Variants in HMHB1 observed in about 807,000 individuals in gnomAD.
The protein encoded by HMHB1 is minor histocompatibility protein HB-1.
Under a neutral mutation model 2.4 loss-of-function variants are expected in HMHB1, and 4 were observed. The ratio of observed to expected loss-of-function variants is 1.65; its 90% CI spans 0.81 to 3.77. HMHB1 has a LOEUF of 3.77. HMHB1 is among the 30% of genes most tolerant of loss of function. The pLI, the probability that HMHB1 is intolerant of heterozygous loss-of-function variation, is 0.01. For synonymous variants in HMHB1, 22 were observed against 17.6 expected (o/e 1.25, Z -0.63); for missense variants, 57 against 44.2 (o/e 1.29, Z -0.82).
intron 1 of HMHB1, among the ~76,000 whole-genome samples, chr5:143,815,424 T>G (rs532210617): frequency 2.6e-5 from 4 of 152,344 alleles, no homozygotes; most frequent in African/African-American, 7.2e-5. Flanking sequence ...GCTAACAATG[T>G]TGCAGCTCTC....
At chr5:143,813,756 C>T (rs1342074239) in intron 1 of HMHB1, among the ~76,000 whole-genome samples, 1 of 151,988 alleles carries the variant, frequency 6.6e-6, no homozygotes, top group Non-Finnish European at 1.5e-5. Flanking sequence ...CTTTTTTTAT[C>T]TCCAGATTGT....
At chr5:143,816,586 T>C (rs142388002) in intron 1 of HMHB1, among the ~76,000 whole-genome samples, 5,641 of 152,332 alleles carry the variant, frequency 0.037, 373 homozygotes, top group African/African-American at 0.13. Flanking sequence ...TACCACAGTT[T>C]CTTTATCCAC....
chr5:143,820,436 G>T (rs1028102704), intron 1 of HMHB1, 44 bp from the exon 2 acceptor site: 2 of 1,112,002 alleles, frequency 1.8e-6, no homozygotes, highest in South Asian at 2.5e-5. Context: ...ATACTGCTGA[G>T]AAGTTGTAAG....
intron 1 of HMHB1, among the ~76,000 whole-genome samples, chr5:143,813,545 C>T (rs530334387): frequency 2.0e-5 from 3 of 152,286 alleles, no homozygotes; most frequent in East Asian, 1.9e-4. Context: ...ATGGAAAGGG[C>T]ATTTGTTGGG....
intron 1 of HMHB1, among the ~76,000 whole-genome samples, chr5:143,816,396 T>A (rs1191351010): frequency 6.6e-6 from 1 of 152,154 alleles, no homozygotes; most frequent in African/African-American, 2.4e-5. Context: ...CACTGTGTCA[T>A]TATTATGCCT....
At chr5:143,813,225 A>C (rs1759712373) in intron 1 of HMHB1, among the ~76,000 whole-genome samples, 1 of 152,106 alleles carries the variant, frequency 6.6e-6, no homozygotes, top group Non-Finnish European at 1.5e-5. Context: ...TTTCTTTTAG[A>C]ATTTTTATGC....
At chr5:143,812,570 G>T (rs1019509975) in intron 1 of HMHB1, among the ~76,000 whole-genome samples, 2 of 152,168 alleles carry the variant, frequency 1.3e-5, no homozygotes, top group African/African-American at 4.8e-5. Flanking sequence ...TGGAGCAGCT[G>T]CCTGCACCAC....
At chr5:143,812,454 G>A (rs1393827108) in intron 1 of HMHB1, 150 bp downstream of exon 1, 2 of 733,892 alleles carry the variant, frequency 2.7e-6, no homozygotes, top group Non-Finnish European at 4.6e-6. Flanking sequence ...GAGTGAGACG[G>A]CCCTTGTTGC....
chr5:143,813,490 C>G (rs913278958), intron 1 of HMHB1, among the ~76,000 whole-genome samples: 1 of 152,106 alleles, frequency 6.6e-6, no homozygotes, highest in African/African-American at 2.4e-5. Context: ...GTGCTTGGCA[C>G]AGTAAAAGCT....
At chr5:143,815,586 G>T (rs1339478566) in intron 1 of HMHB1, among the ~76,000 whole-genome samples, 3 of 148,810 alleles carry the variant, frequency 2.0e-5, no homozygotes, top group Non-Finnish European at 4.4e-5. Flanking sequence ...GGAGTGCAGT[G>T]GCGCAATCTT....
At chr5:143,819,328 G>A (rs555744120) in intron 1 of HMHB1, among the ~76,000 whole-genome samples, 1 of 152,276 alleles carries the variant, frequency 6.6e-6, no homozygotes, top group Non-Finnish European at 1.5e-5. Context: ...TTGTAAGATG[G>A]GCAGAGAACC....
At chr5:143,819,276 T>A (rs1211735572) in intron 1 of HMHB1, among the ~76,000 whole-genome samples, 3 of 152,164 alleles carry the variant, frequency 2.0e-5, no homozygotes, top group African/African-American at 7.2e-5. Context: ...TAATATACAT[T>A]AGTTGCCAAC....
intron 1 of HMHB1, among the ~76,000 whole-genome samples, chr5:143,819,818 C>A (rs575654257): frequency 5.3e-5 from 8 of 152,182 alleles, no homozygotes; most frequent in Admixed American, 3.9e-4. Context: ...TTAGTCATGG[C>A]AAGGGTGACA....
intron 1 of HMHB1, among the ~76,000 whole-genome samples, chr5:143,815,529 T>C (rs1561937024): frequency 6.8e-6 from 1 of 147,716 alleles, no homozygotes; most frequent in Non-Finnish European, 1.5e-5. Flanking sequence ...ATTTTTTTCT[T>C]TTTTTTTTTT....
At chr5:143,814,873 A>T (rs1014961269) in intron 1 of HMHB1, among the ~76,000 whole-genome samples, 1 of 152,198 alleles carries the variant, frequency 6.6e-6, no homozygotes, top group African/African-American at 2.4e-5. Flanking sequence ...GTGCCCACAA[A>T]TACCTGTGGC....
intron 1 of HMHB1, among the ~76,000 whole-genome samples, chr5:143,819,272 A>G (rs1256869797): frequency 6.6e-6 from 1 of 152,178 alleles, no homozygotes; most frequent in Non-Finnish European, 1.5e-5. Context: ...CACATAATAT[A>G]CATTAGTTGC....
At chr5:143,814,654 T>C (rs1188158241) in intron 1 of HMHB1, among the ~76,000 whole-genome samples, 1 of 152,230 alleles carries the variant, frequency 6.6e-6, no homozygotes, top group Non-Finnish European at 1.5e-5. Flanking sequence ...ATAGGGGTAA[T>C]CTTCAATCGT....
rs201360178 is a variant in HMHB1, at chr5:143,820,559, T to C, written c.117T>C (p.Tyr39=). 1.2e-4 allele frequency: 197 copies of C among 1,610,576 alleles called. No individual in the cohort carries two copies. Among genetic ancestry groups the C allele is most frequent in the Non-Finnish European group, 1.5e-4 (181 of 1,177,062 alleles). ...TGAGGCACAGCTCTTCCCTGACTTATAGGCTTTGACACTGCTGTTGAGGTT... is the reference window on the plus strand; with the variant it reads ...TGAGGCACAGCTCTTCCCTGACTTACAGGCTTTGACACTGCTGTTGAGGTT... The change falls in exon 2 of 2, where the codon TAT becomes TAC. Residue 39 remains tyrosine, a synonymous_variant. Coordinates refer to ENST00000289448, the MANE Select transcript of HMHB1 (RefSeq NM_021182.3).
chr5:143,820,318 T>TTAAAAAAAA (rs1224094703), intron 1 of HMHB1, among the ~76,000 whole-genome samples, 162 bp from the exon 2 acceptor site: 66 of 47,570 alleles, frequency 1.4e-3, no homozygotes, highest in African/African-American at 4.5e-3. Context: ...TCATCATAAG[T>TTAAAAAAAA]AAAAAAAAAA....
Sources: allele counts gnomAD v4.1 joint callset (sites outside exome capture counted in the v4.1 genomes callset), GRCh38; gene constraint gnomAD v4.1.1; transcripts MANE v1.5; gene names NCBI Gene and HGNC (gene_info 2026-07-23, HGNC 2026-07-21).